The following ETFB variants were observed in gnomAD, a reference collection of about 807,000 sequenced individuals.
The protein encoded by ETFB is beta-ETF.
ETFB carries 20 observed loss-of-function variants against 25.6 expected under a neutral mutation model. That is an observed-to-expected ratio of 0.78 (90% CI 0.55 to 1.14). The LOEUF (loss-of-function observed/expected upper bound fraction) is 1.14, where lower values mean the gene tolerates loss of function less well. Among genes scored for constraint, ETFB ranks in the 50% most tolerant of loss-of-function variants. The pLI, the probability that ETFB is intolerant of heterozygous loss-of-function variation, is 0.00. For synonymous variants in ETFB, 142 were observed against 146.7 expected, an observed-to-expected ratio of 0.97 and a Z score of 0.23; for missense variants, 286 against 342.6, an observed-to-expected ratio of 0.83 and a Z score of 1.30.
At chr19:51,356,554 C>T (rs1986085138) in intron 1 of ETFB, 1 of 152,208 alleles carries the variant, frequency 6.6e-6, no homozygotes, top group Non-Finnish European at 1.5e-5. Context: ...CCATTTGCTT[C>T]TGCACATCAT....
rs138412625 is a variant in ETFB, at chr19:51,354,474, T to G, written c.58-166A>C. ...CCAGGGACAGAACTGGGTTAGAGTT[T>G]GTAGGCAGGGGCAGGTCACCCTGTC... On this transcript the variant is annotated intron_variant, in intron 1 of 5. Transcript: ENST00000309244. 2.5e-6 allele frequency: 4 copies of G among 1,614,032 alleles called. No homozygotes were observed. The African/African-American group carries it at 4.0e-5, about 16-fold the overall frequency.
chr19:51,361,165 A>G (rs1464152303), intron 1 of ETFB, among the ~76,000 whole-genome samples: 1 of 151,994 alleles, frequency 6.6e-6, no homozygotes, highest in Non-Finnish European at 1.5e-5. Context: ...TCCTGACCTC[A>G]GGTGATCCGC....
At chr19:51,359,011 A>G (rs547044480) in intron 1 of ETFB, among the ~76,000 whole-genome samples, 12 of 152,220 alleles carry the variant, frequency 7.9e-5, no homozygotes, top group African/African-American at 2.9e-4. Context: ...AAAGAAAAAG[A>G]AAAAGAAAAA....
chr19:51,361,151 G>A (rs761004161), intron 1 of ETFB, among the ~76,000 whole-genome samples: 55 of 151,714 alleles, frequency 3.6e-4, no homozygotes, highest in South Asian at 2.1e-4. Flanking sequence ...GGCTGGTCTC[G>A]AACTCCTGAC....
intron 4 of ETFB, chr19:51,347,311 G>T: frequency 1.9e-6 from 1 of 531,132 alleles, no homozygotes. Context: ...CTGCCTTCCT[G>T]ACAGGGAACA....
rs1985872478 is a variant in ETFB, at chr19:51,349,368, TA to T, written c.438+960del. Among the ~76,000 whole-genome samples the T allele has an allele frequency of 2.0e-5, 3 of 152,202 alleles. No individual in the cohort carries two copies. The South Asian group carries it at 6.2e-4, about 32-fold the overall frequency. Reference sequence around the variant, plus strand: ...ATATTTTAGATATAATGGGGTGAAATAAAATATAATTTTGTCTGTTTCTTTT... The same window carrying T: ...ATATTTTAGATATAATGGGGTGAAATAAATATAATTTTGTCTGTTTCTTTT... On this transcript the variant is annotated intron_variant, in intron 4 of 5. Transcript: ENST00000309244.
chr19:51,353,675 A>C (rs77391894), intron 2 of ETFB, among the ~76,000 whole-genome samples: 38 of 121,572 alleles, frequency 3.1e-4, no homozygotes, highest in Admixed American at 6.8e-4. Context: ...CAGACCCAGG[A>C]GTCCAGGCCC....
intron 1 of ETFB, among the ~76,000 whole-genome samples, chr19:51,360,363 A>G (rs573637737): frequency 9.2e-4 from 139 of 150,586 alleles, no homozygotes; most frequent in Non-Finnish European, 1.6e-3. Flanking sequence ...GATCACATCA[A>G]TGCACTCCAG....
chr19:51,358,161 G>A (rs1019848796), intron 1 of ETFB, among the ~76,000 whole-genome samples: 1 of 152,170 alleles, frequency 6.6e-6, no homozygotes, highest in Admixed American at 6.5e-5. Flanking sequence ...CCATGTGGCC[G>A]CCACCCAGGG....
rs551406718 is a variant in ETFB at position 51,364,589 on chromosome 19, T to C, written c.57+1681A>G. 5.6e-4 allele frequency among the ~76,000 whole-genome samples: 85 copies of C among 152,162 alleles called. 2 individuals carry two copies. The highest frequency in any genetic ancestry group is 5.0e-3 in the Admixed American group (77 of 15,284). On this transcript the variant is annotated intron_variant, in intron 1 of 5. Coordinates refer to ENST00000309244, the MANE Select transcript of ETFB (RefSeq NM_001985.3). ...CATGCCAGGCGTGGAAGGCCAGGGC[T>C]GGGATGGAGAGAAGAGGCCCAGGGA...
At chr19:51,347,805 CTG>C (rs1178200816) in intron 4 of ETFB, 2 of 152,256 alleles carry the variant, frequency 1.3e-5, no homozygotes, top group African/African-American at 4.8e-5. Context: ...TGGAGACACA[CTG>C]TGAACACGAC....
chr19:51,346,791 G>A (rs1168174207), intron 5 of ETFB, 109 bp downstream of exon 5: 8 of 1,129,240 alleles, frequency 7.1e-6, no homozygotes, highest in African/African-American at 1.5e-5. Context: ...TCCTGTGCAC[G>A]AGACCTCCTT....
intron 1 of ETFB, among the ~76,000 whole-genome samples, chr19:51,363,220 CAG>C (rs1437912521): frequency 6.6e-6 from 1 of 152,052 alleles, no homozygotes; most frequent in African/African-American, 2.4e-5. Flanking sequence ...ATTCTGGGAA[CAG>C]AGGTGGATCA....
At chr19:51,352,617 T>C (rs529627620) in intron 3 of ETFB, among the ~76,000 whole-genome samples, 1 of 152,154 alleles carries the variant, frequency 6.6e-6, no homozygotes, top group African/African-American at 2.4e-5. Flanking sequence ...ATCTTTCTTC[T>C]TTTTTTCTTT....
At chr19:51,348,889 CA>C (rs1568466118) in intron 4 of ETFB, among the ~76,000 whole-genome samples, 1 of 152,002 alleles carries the variant, frequency 6.6e-6, no homozygotes, top group Non-Finnish European at 1.5e-5. Context: ...ATATAAAATA[CA>C]TGCTGAATTT....
intron 1 of ETFB, among the ~76,000 whole-genome samples, chr19:51,363,700 C>G (rs117933900): frequency 1.3e-5 from 2 of 152,026 alleles, no homozygotes. Context: ...CCACTCGCCT[C>G]AGCCTCACAA....
chr19:51,362,027 C>T (rs1986245128), intron 1 of ETFB, among the ~76,000 whole-genome samples: 1 of 151,890 alleles, frequency 6.6e-6, no homozygotes, highest in East Asian at 1.9e-4. Context: ...TGAAAGAGGC[C>T]CTGAAGGTTA....
chr19:51,354,779 C>CA (rs1986035677), intron 1 of ETFB: 3 of 939,988 alleles, frequency 3.2e-6, no homozygotes, highest in Non-Finnish European at 3.2e-6. Flanking sequence ...ATCACAGCTA[C>CA]AGGCAACAAT....
At chr19:51,348,193 A>G (rs1198654653) in intron 4 of ETFB, 2 of 152,204 alleles carry the variant, frequency 1.3e-5, no homozygotes, top group African/African-American at 4.8e-5. Context: ...AGGCGGGTGG[A>G]TCACTTGAGG....
Sources: allele counts gnomAD v4.1 joint callset (sites outside exome capture counted in the v4.1 genomes callset), GRCh38; gene constraint gnomAD v4.1.1; transcripts MANE v1.5; gene names NCBI Gene and HGNC (gene_info 2026-07-23, HGNC 2026-07-21).